Variants in TNPO1 observed in about 807,000 individuals in gnomAD.
TNPO1 encodes transportin 1.
TNPO1 carries 8 observed loss-of-function variants against 119.5 expected under a neutral mutation model. The observed-to-expected ratio is 0.07, with a 90% CI of 0.04 to 0.12. TNPO1 has a LOEUF of 0.12. Ranked by LOEUF, TNPO1 falls within the 10% of genes least tolerant of loss-of-function variation. The probability of loss-of-function intolerance (pLI) is 1.00; values close to 1 mark genes in which losing one functional copy is unlikely to be tolerated. For synonymous variants in TNPO1, 362 were observed against 363.0 expected (o/e 1.00, Z 0.03); for missense variants, 576 against 1,089.8 (o/e 0.53, Z 6.64).
chr5:72,887,827 A>G (rs940763578), intron 12 of TNPO1, among the ~76,000 whole-genome samples: 5 of 152,226 alleles, frequency 3.3e-5, no homozygotes, highest in East Asian at 3.8e-4. Flanking sequence ...TTCATTCTCT[A>G]TGAAGGGTTA....
chr5:72,888,324 A>T, intron 13 of TNPO1, 21 bp downstream of exon 13: 1 of 1,601,712 alleles, frequency 6.2e-7, no homozygotes, highest in Non-Finnish European at 8.6e-7. Flanking sequence ...TTCATAACAC[A>T]GTGTTCTTTG....
chr5:72,836,603 A>G (rs577933356), intron 1 of TNPO1, among the ~76,000 whole-genome samples: 1 of 152,334 alleles, frequency 6.6e-6, no homozygotes, highest in African/African-American at 2.4e-5. Flanking sequence ...TGTCTTGATG[A>G]ATAGCACCTA....
intron 6 of TNPO1, among the ~76,000 whole-genome samples, chr5:72,868,744 A>G (rs1233837776): frequency 1.3e-5 from 2 of 151,856 alleles, no homozygotes; most frequent in African/African-American, 4.8e-5. Flanking sequence ...TCTTTTTTTA[A>G]CAAGTTGCAG....
chr5:72,868,453 A>C (rs1278508934), intron 6 of TNPO1, among the ~76,000 whole-genome samples: 3 of 145,404 alleles, frequency 2.1e-5, no homozygotes, highest in Admixed American at 7.3e-5. Flanking sequence ...AAAAAAAAAA[A>C]AAAAAACACA....
At chr5:72,868,779 G>T (rs1011249014) in intron 6 of TNPO1, among the ~76,000 whole-genome samples, 2 of 152,060 alleles carry the variant, frequency 1.3e-5, no homozygotes, top group South Asian at 2.1e-4. Context: ...GGCTGGGCGC[G>T]GTGGATCACC....
chr5:72,870,530 G>A (rs967381934), intron 6 of TNPO1, among the ~76,000 whole-genome samples: 3 of 152,102 alleles, frequency 2.0e-5, no homozygotes, highest in Non-Finnish European at 4.4e-5. Flanking sequence ...CATATTAAAT[G>A]TATTCCCAGG....
At chr5:72,848,548 C>G in intron 2 of TNPO1, 50 bp downstream of exon 2, 1 of 1,243,318 alleles carries the variant, frequency 8.0e-7, no homozygotes, top group Non-Finnish European at 1.1e-6. Context: ...CCCCGCGCTG[C>G]GGCCCAGCCC....
At chr5:72,904,980 T>C (rs1403677429) in intron 23 of TNPO1, among the ~76,000 whole-genome samples, 2 of 152,134 alleles carry the variant, frequency 1.3e-5, no homozygotes, top group Non-Finnish European at 2.9e-5. Flanking sequence ...TTTCCCCTTA[T>C]CAAACCGTCA....
chr5:72,844,050 A>G (rs971908378), intron 1 of TNPO1, among the ~76,000 whole-genome samples: 2 of 152,246 alleles, frequency 1.3e-5, no homozygotes, highest in South Asian at 2.1e-4. Context: ...AGCAACAACA[A>G]TAGCGTTTAT....
In TNPO1 at chr5:72,873,192, T is replaced by A. The variant is rs181182919; in HGVS notation, c.678+472T>A. ...GAGGCATCAGGAAAAATAGACTCTT[T>A]AGGCATTTTGAACTTTCTGATAAAA... On this transcript the variant is annotated intron_variant, in intron 7 of 24. Transcript: ENST00000337273. 2.6e-5 allele frequency among the ~76,000 whole-genome samples: 4 copies of A among 152,228 alleles called. No homozygotes were observed. The South Asian group carries it at 8.3e-4, about 32-fold the overall frequency.
intron 20 of TNPO1, among the ~76,000 whole-genome samples, chr5:72,899,624 A>G (rs2112484602): frequency 6.6e-6 from 1 of 152,272 alleles, no homozygotes. Flanking sequence ...AAATTCTGAA[A>G]TTTTGGCTGG....
intron 21 of TNPO1, among the ~76,000 whole-genome samples, chr5:72,900,413 C>T (rs962287598): frequency 5.3e-5 from 8 of 152,202 alleles, no homozygotes; most frequent in South Asian, 4.1e-4. Context: ...TAGGTTTTTG[C>T]ATTACGTTTC....
intron 10 of TNPO1, 78 bp downstream of exon 10, chr5:72,882,605 C>T: frequency 2.0e-6 from 2 of 1,014,654 alleles, no homozygotes; most frequent in Non-Finnish European, 3.0e-6. Flanking sequence ...GCCAATAAAA[C>T]ATTCATTGAG....
rs541529087 is a variant in TNPO1 at position 72,821,891 on chromosome 5, T to G, written c.15+5139T>G. On this transcript the variant is annotated intron_variant, in intron 1 of 24. Coordinates refer to ENST00000337273, the MANE Select transcript of TNPO1 (RefSeq NM_002270.4). ...CGGTTCAGGGGCCCTGAAAGGTATA[T>G]AGCAGGGGTCCACAAACTTTCTGTA... 3.9e-4 allele frequency among the ~76,000 whole-genome samples: 60 copies of G among 152,292 alleles called. 1 individual carries two copies. Among genetic ancestry groups the G allele is most frequent in the African/African-American group, 1.4e-3 (57 of 41,560 alleles).
intron 22 of TNPO1, among the ~76,000 whole-genome samples, chr5:72,902,464 T>C (rs189638594): frequency 5.1e-4 from 77 of 152,202 alleles, no homozygotes; most frequent in African/African-American, 1.7e-3. Context: ...AGTGCCATCT[T>C]GAGAGGTTTC....
chr5:72,844,384 A>G (rs1299840515), intron 1 of TNPO1, among the ~76,000 whole-genome samples: 10 of 152,164 alleles, frequency 6.6e-5, no homozygotes, highest in African/African-American at 1.4e-4. Flanking sequence ...GAGTTTGCCA[A>G]TTGGTCAGGT....
At chr5:72,879,963 A>G (rs1748107313) in intron 9 of TNPO1, among the ~76,000 whole-genome samples, 1 of 152,116 alleles carries the variant, frequency 6.6e-6, no homozygotes, top group Non-Finnish European at 1.5e-5. Flanking sequence ...TGAGGCAGGC[A>G]GATCGCTTGA....
chr5:72,860,267 C>T (rs753155278), intron 4 of TNPO1, among the ~76,000 whole-genome samples: 33 of 152,046 alleles, frequency 2.2e-4, no homozygotes, highest in Non-Finnish European at 3.8e-4. Context: ...CAAAATAACC[C>T]TATGAAGAGT....
chr5:72,910,254 A>G lies in TNPO1; in HGVS notation c.*1581A>G, dbSNP rs1479450861. ...AGTTGGTTTGGATCCTCTTCATTTC[A>G]TTTGTTTAGCTTTTCTGTTATTTTT... On this transcript the variant is annotated 3_prime_UTR_variant, in exon 25 of 25. Coordinates refer to ENST00000337273, the MANE Select transcript of TNPO1 (RefSeq NM_002270.4). 5 of 152,582 alleles carry G rather than the reference A, an allele frequency of 3.3e-5. No individual in the cohort carries two copies. The highest frequency in any genetic ancestry group is 1.2e-4 in the African/African-American group (5 of 41,452). 9.5% of individuals were successfully genotyped at this position (152,582 alleles called of 1,614,324 possible).
Sources: allele counts gnomAD v4.1 joint callset (sites outside exome capture counted in the v4.1 genomes callset), GRCh38; gene constraint gnomAD v4.1.1; transcripts MANE v1.5; gene names NCBI Gene and HGNC (gene_info 2026-07-23, HGNC 2026-07-21).